Variants in SIPA1L1 observed in about 807,000 individuals in gnomAD.
The protein encoded by SIPA1L1 is signal-induced proliferation-associated 1-like protein 1.
In SIPA1L1, 26 loss-of-function variants were observed where a neutral mutation model predicts 162.7. The ratio of observed to expected loss-of-function variants is 0.16; its 90% CI spans 0.12 to 0.22. The LOEUF (loss-of-function observed/expected upper bound fraction) is 0.22, where lower values mean the gene tolerates loss of function less well. SIPA1L1 is among the 10% of genes least tolerant of loss of function. The probability of loss-of-function intolerance (pLI) is 1.00; values close to 1 mark genes in which losing one functional copy is unlikely to be tolerated. For synonymous variants in SIPA1L1, 829 were observed against 837.4 expected, an observed-to-expected ratio of 0.99 and a Z score of 0.17; for missense variants, 1,874 against 2,241.0, an observed-to-expected ratio of 0.84 and a Z score of 3.31.
chr14:71,485,082 T>C (rs7154037), intron 2 of SIPA1L1, among the ~76,000 whole-genome samples: 2,646 of 152,296 alleles, frequency 0.017, 71 homozygotes, highest in African/African-American at 0.06. Flanking sequence ...AGGGTGGGAA[T>C]AGAGAAAGAG....
chr14:71,479,373 G>GTA (rs1172032846), intron 2 of SIPA1L1, among the ~76,000 whole-genome samples: 183 of 151,898 alleles, frequency 1.2e-3, no homozygotes, highest in South Asian at 5.8e-3. Flanking sequence ...ATGTATGTAT[G>GTA]TGTGTATATA....
At chr14:71,410,397 C>T (rs1047698031) in intron 2 of SIPA1L1, among the ~76,000 whole-genome samples, 1 of 152,166 alleles carries the variant, frequency 6.6e-6, no homozygotes, top group Non-Finnish European at 1.5e-5. Flanking sequence ...ATGTGATGCT[C>T]TAGCTAATTC....
chr14:71,575,978 G>A (rs752267521), intron 4 of SIPA1L1, among the ~76,000 whole-genome samples: 2 of 152,158 alleles, frequency 1.3e-5, no homozygotes, highest in Non-Finnish European at 2.9e-5. Flanking sequence ...CCATGATTAC[G>A]TTTTAGATTA....
At chr14:71,644,417 T>C (rs557470900) in intron 7 of SIPA1L1, among the ~76,000 whole-genome samples, 1 of 152,200 alleles carries the variant, frequency 6.6e-6, no homozygotes, top group Admixed American at 6.5e-5. Context: ...TTTTTAATTT[T>C]ACAGAGACAG....
intron 2 of SIPA1L1, among the ~76,000 whole-genome samples, chr14:71,482,239 G>A (rs1391409350): frequency 6.6e-6 from 1 of 152,142 alleles, no homozygotes; most frequent in Non-Finnish European, 1.5e-5. Flanking sequence ...AAATCTACAG[G>A]GTCTGGCTGT....
At chr14:71,586,645 G>C (rs530553191) in intron 4 of SIPA1L1, 1 of 152,168 alleles carries the variant, frequency 6.6e-6, no homozygotes, top group Non-Finnish European at 1.5e-5. Flanking sequence ...TCTGCCTGAC[G>C]TGCTCATGAG....
At chr14:71,552,346 A>G (rs1469171560) in intron 4 of SIPA1L1, among the ~76,000 whole-genome samples, 2 of 152,012 alleles carry the variant, frequency 1.3e-5, no homozygotes, top group Non-Finnish European at 2.9e-5. Flanking sequence ...ATTTTATGTT[A>G]GCTAAAATTT....
At chr14:71,595,077 C>T (rs1338261989) in intron 5 of SIPA1L1, among the ~76,000 whole-genome samples, 1 of 152,182 alleles carries the variant, frequency 6.6e-6, no homozygotes, top group African/African-American at 2.4e-5. Flanking sequence ...GTGCCTGAGC[C>T]TCTCAAGCCA....
intron 2 of SIPA1L1, among the ~76,000 whole-genome samples, chr14:71,462,717 A>G (rs1174106724): frequency 1.3e-5 from 2 of 152,298 alleles, no homozygotes; most frequent in South Asian, 2.1e-4. Context: ...TGTCTTGCTC[A>G]CTAGATCCAC....
chr14:71,327,714 A>G (rs760754247), intron 2 of SIPA1L1, among the ~76,000 whole-genome samples: 4 of 152,170 alleles, frequency 2.6e-5, no homozygotes, highest in Non-Finnish European at 4.4e-5. Context: ...TCAGAAACAC[A>G]TGTTCTTGAA....
chr14:71,452,430 C>T (rs554736400), intron 2 of SIPA1L1, among the ~76,000 whole-genome samples: 11 of 152,226 alleles, frequency 7.2e-5, no homozygotes, highest in Non-Finnish European at 1.6e-4. Flanking sequence ...TACTGAACAT[C>T]TGTTTTTGTT....
At chr14:71,705,133 A>G (rs2082348230) in intron 15 of SIPA1L1, 89 bp from the exon 16 acceptor site, 2 of 905,228 alleles carry the variant, frequency 2.2e-6, no homozygotes, top group South Asian at 2.8e-5. Flanking sequence ...CAGTGAACTG[A>G]AAGATGCAAT....
chr14:71,680,641 A>G (rs1353047551), intron 12 of SIPA1L1, among the ~76,000 whole-genome samples: 5 of 152,212 alleles, frequency 3.3e-5, no homozygotes, highest in African/African-American at 1.2e-4. Flanking sequence ...TGAATCCAAG[A>G]GCTGGTTTTT....
At chr14:71,695,276 A>G (rs542245961) in intron 13 of SIPA1L1, among the ~76,000 whole-genome samples, 11 of 151,412 alleles carry the variant, frequency 7.3e-5, no homozygotes, top group African/African-American at 2.2e-4. Context: ...CAGTTGCTCT[A>G]TGTGTGTTCT....
intron 2 of SIPA1L1, among the ~76,000 whole-genome samples, chr14:71,451,632 CAAAAAAAAAAA>C (rs762968378): frequency 7.4e-5 from 4 of 54,394 alleles, no homozygotes; most frequent in African/African-American, 1.4e-4. Flanking sequence ...GACCTTGTCT[CAAAAAAAAAAA>C]AAAAAAAAAG....
chr14:71,378,842 A>G (rs1271536385), intron 2 of SIPA1L1, among the ~76,000 whole-genome samples: 1 of 152,136 alleles, frequency 6.6e-6, no homozygotes, highest in Non-Finnish European at 1.5e-5. Context: ...TCTCCTTTAT[A>G]ATTATGAAAT....
intron 17 of SIPA1L1, among the ~76,000 whole-genome samples, chr14:71,721,011 C>T (rs1017786511): frequency 6.6e-6 from 1 of 152,152 alleles, no homozygotes; most frequent in African/African-American, 2.4e-5. Context: ...TGTGTACATT[C>T]ATCAGTGTCT....
chr14:71,603,603 G>T (rs1029097065), intron 5 of SIPA1L1, among the ~76,000 whole-genome samples: 3 of 152,058 alleles, frequency 2.0e-5, no homozygotes, highest in Non-Finnish European at 2.9e-5. Flanking sequence ...AGGACTACAG[G>T]CATGTGCCAC....
intron 2 of SIPA1L1, among the ~76,000 whole-genome samples, chr14:71,384,752 C>A (rs909315083): frequency 2.6e-5 from 4 of 152,126 alleles, no homozygotes; most frequent in African/African-American, 9.7e-5. Flanking sequence ...TTTGGATATT[C>A]TCTAAAATCT....
Sources: gnomAD v4.1 joint callset for allele counts (sites outside exome capture counted in the v4.1 genomes callset) on GRCh38, gnomAD v4.1.1 for gene constraint, MANE v1.5 for transcripts, NCBI Gene and HGNC (gene_info 2026-07-23, HGNC 2026-07-21) for gene names.